The following OSBPL6 variants were observed in gnomAD, a reference collection of about 807,000 sequenced individuals.
OSBPL6 encodes the protein oxysterol-binding protein-related protein 6.
A neutral mutation model predicts 125.8 loss-of-function variants in OSBPL6; 49 were observed. The observed-to-expected ratio is 0.39, with a 90% CI of 0.31 to 0.49. The LOEUF (loss-of-function observed/expected upper bound fraction) is 0.49. OSBPL6 is among the 20% of genes least tolerant of loss of function. The pLI, the probability that OSBPL6 is intolerant of heterozygous loss-of-function variation, is 0.88. For missense variants in OSBPL6, 986 were observed against 1,135.4 expected (o/e 0.87, Z 1.89); for synonymous variants, 394 against 391.8 (o/e 1.01, Z -0.07).
intron 21 of OSBPL6, among the ~76,000 whole-genome samples, chr2:178,389,886 AT>A (rs1393455778): frequency 6.6e-6 from 1 of 152,078 alleles, no homozygotes; most frequent in Non-Finnish European, 1.5e-5. Flanking sequence ...AGACTCTAAT[AT>A]TTTCTTTTCT....
intron 15 of OSBPL6, among the ~76,000 whole-genome samples, chr2:178,377,757 A>G (rs1405279524): frequency 6.6e-6 from 1 of 152,206 alleles, no homozygotes; most frequent in East Asian, 1.9e-4. Flanking sequence ...GGTCACCTCC[A>G]GGGAAGCCTA....
intron 3 of OSBPL6, among the ~76,000 whole-genome samples, chr2:178,318,802 G>C (rs540284598): frequency 6.6e-6 from 1 of 152,304 alleles, no homozygotes; most frequent in African/African-American, 2.4e-5. Flanking sequence ...AGGGCTCCCA[G>C]GTGTCAGACA....
At chr2:178,265,433 C>G (rs1251257411) in intron 1 of OSBPL6, among the ~76,000 whole-genome samples, 2 of 150,460 alleles carry the variant, frequency 1.3e-5, no homozygotes, top group Non-Finnish European at 3.0e-5. Flanking sequence ...AGTCTGGTCT[C>G]AAACTCCTGA....
At chr2:178,200,999 T>C (rs1659695895) in intron 1 of OSBPL6, among the ~76,000 whole-genome samples, 1 of 152,186 alleles carries the variant, frequency 6.6e-6, no homozygotes, top group Admixed American at 6.5e-5. Context: ...TTTCACCGTG[T>C]TAGCCAGGAT....
intron 1 of OSBPL6, among the ~76,000 whole-genome samples, chr2:178,217,247 G>A (rs995638212): frequency 1.3e-5 from 2 of 152,004 alleles, no homozygotes; most frequent in Non-Finnish European, 2.9e-5. Context: ...TGTACTGTTC[G>A]TGCAACTTAA....
chr2:178,289,991 G>A (rs901733632), intron 2 of OSBPL6, among the ~76,000 whole-genome samples: 1 of 152,170 alleles, frequency 6.6e-6, no homozygotes, highest in African/African-American at 2.4e-5. Context: ...TAGTGATGCT[G>A]TCATTGGACC....
chr2:178,350,614 T>G (rs978272751), intron 12 of OSBPL6, among the ~76,000 whole-genome samples: 2 of 152,204 alleles, frequency 1.3e-5, no homozygotes, highest in African/African-American at 4.8e-5. Context: ...CAATTGAGAC[T>G]CTTCTGTAAG....
chr2:178,313,673 G>A lies in OSBPL6; in HGVS notation c.102+7387G>A, dbSNP rs59989277. On this transcript the variant is annotated intron_variant, in intron 3 of 24. Transcript: ENST00000190611. ...CCAGTTTTTATGAAATCTATATTCC[G>A]TATAATGGTCCATCTTTTAACAACT... Among the ~76,000 whole-genome samples, 264 of 152,288 alleles carry A rather than the reference G, an allele frequency of 1.7e-3. 3 individuals carry two copies. Among genetic ancestry groups the A allele is most frequent in the African/African-American group, 6.0e-3 (249 of 41,554 alleles).
At chr2:178,344,474 A>C (rs1489877374) in intron 11 of OSBPL6, 1 of 959,282 alleles carries the variant, frequency 1.0e-6, no homozygotes, top group Non-Finnish European at 1.6e-6. Context: ...CCTGTAGCCC[A>C]ATCATGGCAG....
intron 1 of OSBPL6, among the ~76,000 whole-genome samples, chr2:178,233,280 G>A (rs1394632246): frequency 1.3e-5 from 2 of 152,180 alleles, no homozygotes; most frequent in East Asian, 3.8e-4. Context: ...ACACAGTAAA[G>A]GTGAAGTTAG....
chr2:178,220,071 G>A (rs2090271324), intron 1 of OSBPL6, among the ~76,000 whole-genome samples: 1 of 152,200 alleles, frequency 6.6e-6, no homozygotes, highest in Admixed American at 6.5e-5. Flanking sequence ...AGCTGACCAT[G>A]GAGGTGTCTG....
intron 13 of OSBPL6, among the ~76,000 whole-genome samples, chr2:178,370,745 A>G (rs1693306540): frequency 6.6e-6 from 1 of 152,214 alleles, no homozygotes; most frequent in African/African-American, 2.4e-5. Context: ...CCTTTAATCC[A>G]TCAATGTGAC....
At chr2:178,282,851 C>A (rs536028974) in intron 1 of OSBPL6, among the ~76,000 whole-genome samples, 1 of 152,250 alleles carries the variant, frequency 6.6e-6, no homozygotes, top group South Asian at 2.1e-4. Context: ...TGGGGTTTCA[C>A]CATGTTGGCC....
chr2:178,316,329 C>G (rs1445934726), intron 3 of OSBPL6, among the ~76,000 whole-genome samples: 1 of 151,970 alleles, frequency 6.6e-6, no homozygotes, highest in African/African-American at 2.4e-5. Flanking sequence ...TCTAAGGAAA[C>G]AAAGATACAT....
chr2:178,383,590 C>G (rs1249185079), intron 17 of OSBPL6, among the ~76,000 whole-genome samples: 1 of 152,164 alleles, frequency 6.6e-6, no homozygotes, highest in Admixed American at 6.5e-5. Flanking sequence ...TCAGGATAGC[C>G]CATCTGTTCA....
Position 178,383,073 on chromosome 2 carries a change from A to G in OSBPL6, c.1671A>G (p.Ala557=), listed in dbSNP as rs763574125. ...TGGAFRNGRR[A]CLPAPCPDTS... Reference sequence around the variant, plus strand: ...GGGCCTTCCGAAATGGGCGTCGAGCATGCCTGCCAGCTCCTTGTCCTGACA... The same window carrying G: ...GGGCCTTCCGAAATGGGCGTCGAGCGTGCCTGCCAGCTCCTTGTCCTGACA... The change falls in exon 17 of 25, where the codon GCA becomes GCG. Residue 557 remains alanine, a synonymous_variant. Coordinates refer to ENST00000190611, the MANE Select transcript of OSBPL6 (RefSeq NM_032523.4). 6 of 1,614,086 alleles carry G rather than the reference A, an allele frequency of 3.7e-6. No homozygotes were observed. The highest frequency in any genetic ancestry group is 5.1e-6 in the Non-Finnish European group (6 of 1,180,040).
chr2:178,382,869 A>G (rs1369637581), intron 16 of OSBPL6, 155 bp from the exon 17 acceptor site: 3 of 1,397,498 alleles, frequency 2.1e-6, no homozygotes, highest in Non-Finnish European at 2.8e-6. Context: ...TTTATTAGCA[A>G]CCTTGCATTG....
chr2:178,357,436 C>G (rs1324364515), intron 12 of OSBPL6, among the ~76,000 whole-genome samples: 1 of 152,210 alleles, frequency 6.6e-6, no homozygotes, highest in South Asian at 2.1e-4. Flanking sequence ...TATGAACAGA[C>G]ACTTCTCAAA....
At position 178,384,032 on chromosome 2, in the gene OSBPL6, T is replaced by G. The variant is rs896776424; in HGVS notation, c.1876-7T>G. The stretch of plus-strand genomic sequence containing the variant: ...ATATTATTCCCTTTTCTTCAATGTT[T>G]TAACAGGTTCTCGTTGCCGCATTTG... On this transcript the variant is annotated splice_region_variant and splice_polypyrimidine_tract_variant and intron_variant, in intron 17 of 24. Transcript: ENST00000190611. 2 of 1,613,312 alleles carry G rather than the reference T, an allele frequency of 1.2e-6. No individual in the cohort carries two copies. Among genetic ancestry groups the G allele is most frequent in the Non-Finnish European group, 1.7e-6 (2 of 1,179,270 alleles).
Sources: gnomAD v4.1 joint callset for allele counts (sites outside exome capture counted in the v4.1 genomes callset) on GRCh38, gnomAD v4.1.1 for gene constraint, MANE v1.5 for transcripts, NCBI Gene and HGNC (gene_info 2026-07-23, HGNC 2026-07-21) for gene names.